RABGAP1L: variants seen among roughly 807,000 people sequenced by gnomAD.
RABGAP1L encodes the protein RAB GTPase activating protein 1 like.
A neutral mutation model predicts 137.7 loss-of-function variants in RABGAP1L; 63 were observed. That is an observed-to-expected ratio of 0.46 (90% confidence interval 0.37 to 0.56). The LOEUF (loss-of-function observed/expected upper bound fraction) is 0.56. Among genes scored for constraint, RABGAP1L ranks in the 20% least tolerant of loss-of-function variants. RABGAP1L has a pLI of 0.00. For missense variants in RABGAP1L, 1,095 were observed against 1,244.0 expected (o/e 0.88, Z 1.80); for synonymous variants, 431 against 433.7 (o/e 0.99, Z 0.08).
At chr1:174,555,221 T>C (rs1215641965) in intron 13 of RABGAP1L, among the ~76,000 whole-genome samples, 2 of 152,226 alleles carry the variant, frequency 1.3e-5, no homozygotes, top group East Asian at 1.9e-4. Flanking sequence ...AAGGATTACA[T>C]GTATGCCAAG....
intron 13 of RABGAP1L, among the ~76,000 whole-genome samples, chr1:174,493,528 T>A (rs1246931482): frequency 6.6e-6 from 1 of 151,956 alleles, no homozygotes; most frequent in East Asian, 1.9e-4. Flanking sequence ...GATGATAATT[T>A]TATAGGCTTG....
At chr1:174,383,800 A>G (rs2149050137) in intron 12 of RABGAP1L, among the ~76,000 whole-genome samples, 1 of 152,234 alleles carries the variant, frequency 6.6e-6, no homozygotes, top group Non-Finnish European at 1.5e-5. Context: ...CTATTCGGCC[A>G]TCTTGGCTCC....
intron 13 of RABGAP1L, among the ~76,000 whole-genome samples, chr1:174,569,963 G>GA (rs1667859363): frequency 6.6e-6 from 1 of 152,090 alleles, no homozygotes; most frequent in Admixed American, 6.6e-5. Context: ...TGGCTTTTGG[G>GA]AAAAAATGAT....
intron 13 of RABGAP1L, among the ~76,000 whole-genome samples, chr1:174,478,024 GT>G (rs1419126891): frequency 1.3e-5 from 2 of 151,666 alleles, no homozygotes; most frequent in African/African-American, 4.8e-5. Context: ...TGATTCTGTG[GT>G]TAAAAAATAA....
In RABGAP1L at chr1:174,887,993, C is replaced by T. The variant is rs529583700; in HGVS notation, c.2341-69464C>T. ...CAGAGGTTGCAGTGAGCTGAGATCA[C>T]GCCACTGCACTCCAGCCTGGGGGAC... On this transcript the variant is annotated intron_variant, in intron 19 of 25. Transcript: ENST00000681986. Among the ~76,000 whole-genome samples, 161 of 151,784 alleles carry T rather than the reference C, an allele frequency of 1.1e-3. 1 individual carries two copies. Among genetic ancestry groups the T allele is most frequent in the Admixed American group, 4.3e-3 (65 of 15,252 alleles).
rs1186475150 is a variant in RABGAP1L, at chr1:174,295,216, C to CT, written c.1324-9754dup. ...GCAGGCATGAGCCACTGCGCCCGGACTTTTTTTTTTTTTTTTGGAGACAAA... is the reference window on the plus strand; with the variant it reads ...GCAGGCATGAGCCACTGCGCCCGGACTTTTTTTTTTTTTTTTTGGAGACAAA... On this transcript the variant is annotated intron_variant, in intron 10 of 25. Coordinates refer to ENST00000681986, the MANE Select transcript of RABGAP1L (RefSeq NM_001366446.1). 4.1e-3 allele frequency among the ~76,000 whole-genome samples: 565 copies of CT among 136,876 alleles called. 1 individual carries two copies. The highest frequency in any genetic ancestry group is 0.024 in the East Asian group (115 of 4,712). The allele number at this position is 136,876 out of a possible 152,430, so 89.8% of individuals were successfully genotyped here.
intron 13 of RABGAP1L, among the ~76,000 whole-genome samples, chr1:174,535,880 A>G (rs771913695): frequency 2.0e-5 from 3 of 152,202 alleles, no homozygotes; most frequent in Non-Finnish European, 2.9e-5. Context: ...TTAAATATGT[A>G]TAATTTTATA....
chr1:174,901,333 G>A (rs1175937460), intron 19 of RABGAP1L, among the ~76,000 whole-genome samples: 1 of 152,128 alleles, frequency 6.6e-6, no homozygotes, highest in African/African-American at 2.4e-5. Flanking sequence ...GAATGGCTGG[G>A]GAGGCCTCAG....
intron 7 of RABGAP1L, among the ~76,000 whole-genome samples, chr1:174,260,057 A>G (rs1254131331): frequency 6.6e-6 from 1 of 151,000 alleles, no homozygotes; most frequent in Non-Finnish European, 1.5e-5. Context: ...CTGGTCTTGA[A>G]CTCCTGACCT....
intron 13 of RABGAP1L, among the ~76,000 whole-genome samples, chr1:174,628,110 A>G (rs988321094): frequency 3.3e-5 from 5 of 152,138 alleles, no homozygotes; most frequent in Admixed American, 1.3e-4. Context: ...TGTGGGTTAC[A>G]TGCAAAGCTG....
chr1:174,989,644 A>C (rs1314803123), intron 25 of RABGAP1L, among the ~76,000 whole-genome samples: 1 of 152,238 alleles, frequency 6.6e-6, no homozygotes, highest in East Asian at 1.9e-4. Context: ...CTGTTTAAAG[A>C]AAGCACAGAT....
At chr1:174,848,937 G>A (rs1242336319) in intron 19 of RABGAP1L, among the ~76,000 whole-genome samples, 4 of 151,092 alleles carry the variant, frequency 2.6e-5, no homozygotes, top group East Asian at 2.0e-4. Flanking sequence ...GTGGTGCGCC[G>A]TTTTTTAAGC....
intron 19 of RABGAP1L, among the ~76,000 whole-genome samples, chr1:174,866,957 TG>T (rs1651362723): frequency 6.6e-6 from 1 of 151,730 alleles, no homozygotes; most frequent in African/African-American, 2.4e-5. Flanking sequence ...CTGGGAGTGG[TG>T]GCGCTTGTAG....
chr1:174,847,261 C>T (rs1024474132), intron 19 of RABGAP1L, among the ~76,000 whole-genome samples: 2 of 151,784 alleles, frequency 1.3e-5, no homozygotes, highest in Non-Finnish European at 2.9e-5. Flanking sequence ...TGAATTTGAT[C>T]CTGTCATTAT....
At chr1:174,912,819 T>C (rs967117992) in intron 19 of RABGAP1L, among the ~76,000 whole-genome samples, 3 of 152,198 alleles carry the variant, frequency 2.0e-5, no homozygotes, top group Non-Finnish European at 1.5e-5. Flanking sequence ...CATCATCATG[T>C]GATATACTCC....
At chr1:174,422,331 T>G (rs1651414339) in intron 13 of RABGAP1L, among the ~76,000 whole-genome samples, 1 of 152,128 alleles carries the variant, frequency 6.6e-6, no homozygotes, top group Non-Finnish European at 1.5e-5. Context: ...GTCTTGTATC[T>G]AGGCTGCCTG....
In RABGAP1L at chr1:174,995,234, C is replaced by T. The variant is rs1375138357; in HGVS notation, c.*5233C>T. On this transcript the variant is annotated 3_prime_UTR_variant, in exon 26 of 26. Transcript: ENST00000681986. ...GTAACAAGGTGACTGTTTTTGTGAG[C>T]CAGTGATGTTTTCAATGCTTTGTGT... is the stretch of plus-strand genomic sequence containing the variant. The T allele has an allele frequency of 6.6e-6, 1 of 152,166 alleles. No homozygotes were observed. The highest frequency in any genetic ancestry group is 2.4e-5 in the African/African-American group (1 of 41,448). 9.4% of individuals were successfully genotyped at this position (152,166 alleles called of 1,614,324 possible).
intron 13 of RABGAP1L, among the ~76,000 whole-genome samples, chr1:174,616,109 C>G (rs1394380977): frequency 6.6e-6 from 1 of 152,224 alleles, no homozygotes; most frequent in Admixed American, 6.5e-5. Context: ...CTGTCTGGCA[C>G]TCCCTAGTGC....
intron 15 of RABGAP1L, among the ~76,000 whole-genome samples, chr1:174,696,727 A>G (rs1293493552): frequency 6.6e-6 from 1 of 152,106 alleles, no homozygotes; most frequent in African/African-American, 2.4e-5. Context: ...TTCTTTCTCT[A>G]CACAGTGCTG....
Sources: allele counts gnomAD v4.1 joint callset (sites outside exome capture counted in the v4.1 genomes callset), GRCh38; gene constraint gnomAD v4.1.1; transcripts MANE v1.5; gene names NCBI Gene and HGNC (gene_info 2026-07-23, HGNC 2026-07-21).